CCDC148: variants seen among roughly 807,000 people sequenced by gnomAD.
The protein encoded by CCDC148 is coiled-coil domain containing 148, also known as coiled-coil domain-containing protein 148.
Under a neutral mutation model 85.7 loss-of-function variants are expected in CCDC148, and 89 were observed. The ratio of observed to expected loss-of-function variants is 1.04; its 90% CI spans 0.87 to 1.24. The LOEUF is 1.24. CCDC148 is among the 50% of genes most tolerant of loss of function. The pLI is 0.00. For missense variants in CCDC148, 692 were observed against 671.7 expected (o/e 1.03, Z -0.33); for synonymous variants, 230 against 213.9 (o/e 1.08, Z -0.66).
chr2:158,351,259 G>T (rs369470354), intron 2 of CCDC148, among the ~76,000 whole-genome samples: 3 of 152,308 alleles, frequency 2.0e-5, no homozygotes, highest in Admixed American at 1.3e-4. Context: ...GAACAGCTCC[G>T]GTCTACAGCT....
At chr2:158,250,719 A>C in intron 10 of CCDC148, 53 bp downstream of exon 10, 1 of 1,469,334 alleles carries the variant, frequency 6.8e-7, no homozygotes, top group Non-Finnish European at 9.0e-7. Context: ...AAAAAGCTCA[A>C]TCAGGCCATT....
Position 158,365,218 on chromosome 2 carries a change from T to C in CCDC148, c.26-6648A>G, listed in dbSNP as rs542600990. On this transcript the variant is annotated intron_variant, in intron 1 of 13. Transcript: ENST00000283233. Reference sequence around the variant, plus strand: ...TTTACACTGTTGGTGGGAGTGTAAATTAGTTCAACCATTGTGGAAGAGAGT... The same window carrying C: ...TTTACACTGTTGGTGGGAGTGTAAACTAGTTCAACCATTGTGGAAGAGAGT... Among the ~76,000 whole-genome samples, 542 of 152,248 alleles carry C rather than the reference T, an allele frequency of 3.6e-3. 4 individuals carry two copies. Among genetic ancestry groups the C allele is most frequent in the African/African-American group, 0.012 (519 of 41,558 alleles).
intron 1 of CCDC148, among the ~76,000 whole-genome samples, chr2:158,404,212 G>A (rs796561275): frequency 2.8e-4 from 43 of 152,234 alleles, no homozygotes; most frequent in African/African-American, 9.9e-4. Context: ...GGGCACTCCT[G>A]AGGTTGAAAG....
intron 9 of CCDC148, among the ~76,000 whole-genome samples, chr2:158,254,165 A>G (rs1327075083): frequency 6.6e-6 from 1 of 151,748 alleles, no homozygotes; most frequent in Non-Finnish European, 1.5e-5. Flanking sequence ...TTCTGATGTA[A>G]ATAAACCAAT....
chr2:158,227,943 C>G (rs1687638869), intron 10 of CCDC148, among the ~76,000 whole-genome samples: 1 of 152,062 alleles, frequency 6.6e-6, no homozygotes, highest in Admixed American at 6.6e-5. Flanking sequence ...CAACAAAAGA[C>G]AAAATTGACA....
Position 158,172,159 on chromosome 2 carries a change from T to G in CCDC148, c.1730A>C (p.Gln577Pro), listed in dbSNP as rs1169621048. The G allele has an allele frequency of 6.2e-7, 1 of 1,610,154 alleles. No individual in the cohort carries two copies. The highest frequency in any genetic ancestry group is 1.3e-5 in the African/African-American group (1 of 74,762). The change falls in exon 14 of 14, where the codon CAA (glutamine) becomes CCA (proline). Residue 577 changes from glutamine to proline, a missense_variant. Physicochemically the swap from Gln to Pro is moderately conservative, Grantham distance 76 (BLOSUM62 -1). Transcript: ENST00000283233. ...CTCCATGTCCTTTCTTGGAGGTTTT[T>G]GAGGACTAATTTTTGGTAATATCTC... ...AKEILPKISP[Q>P]KPPRKDMEST...
At chr2:158,263,666 C>A (rs973643229) in intron 9 of CCDC148, among the ~76,000 whole-genome samples, 8 of 151,944 alleles carry the variant, frequency 5.3e-5, no homozygotes, top group African/African-American at 2.4e-5. Context: ...CTACCAAACC[C>A]CAGAAATGAC....
intron 10 of CCDC148, among the ~76,000 whole-genome samples, chr2:158,234,637 A>C (rs968235734): frequency 6.6e-6 from 1 of 152,198 alleles, no homozygotes; most frequent in African/African-American, 2.4e-5. Context: ...ATTGGAAACA[A>C]TGTAATGATC....
chr2:158,383,930 T>C (rs148111649), intron 1 of CCDC148, among the ~76,000 whole-genome samples: 13 of 152,320 alleles, frequency 8.5e-5, no homozygotes, highest in African/African-American at 2.6e-4. Context: ...CACGTCTCCT[T>C]AGTCCCCTTC....
chr2:158,406,628 T>TTTTTTTGTTTTTTTTTTTTG lies in CCDC148; in HGVS notation c.26-48059_26-48058insCAAAAAAAAAAAACAAAAAA, dbSNP rs1318613101. Among the ~76,000 whole-genome samples, 14 of 119,056 alleles carry TTTTTTTGTTTTTTTTTTTTG rather than the reference T, an allele frequency of 1.2e-4. 1 individual carries two copies. Among genetic ancestry groups the TTTTTTTGTTTTTTTTTTTTG allele is most frequent in the Non-Finnish European group, 2.6e-4 (14 of 53,650 alleles). The allele number at this position is 119,056 out of a possible 152,430, so 78.1% of individuals were successfully genotyped here. A position where few individuals can be genotyped will look rare whatever the true frequency, so the allele number is the denominator to read the frequency against. On this transcript the variant is annotated intron_variant, in intron 1 of 13. Transcript: ENST00000283233. ...GATTAAATTTCTTTTTTTTTTTTTT[T>TTTTTTTGTTTTTTTTTTTTG]TTTTTTTTTTTTGAGACAGTGTCTC...
intron 1 of CCDC148, among the ~76,000 whole-genome samples, chr2:158,439,641 G>A (rs114927579): frequency 2.9e-3 from 439 of 152,026 alleles, no homozygotes; most frequent in African/African-American, 9.4e-3. Flanking sequence ...AAAAAAAGAT[G>A]TCTGGATAGT....
chr2:158,397,537 A>C (rs1404562831), intron 1 of CCDC148, among the ~76,000 whole-genome samples: 3 of 152,190 alleles, frequency 2.0e-5, no homozygotes, highest in African/African-American at 7.2e-5. Context: ...TAAGTTTCAT[A>C]AGTGAAGGAG....
chr2:158,281,246 A>G (rs1029699270), intron 9 of CCDC148, among the ~76,000 whole-genome samples: 2 of 152,098 alleles, frequency 1.3e-5, no homozygotes, highest in Non-Finnish European at 2.9e-5. Context: ...ACACATTCAA[A>G]AGCTAGCAGA....
intron 10 of CCDC148, among the ~76,000 whole-genome samples, chr2:158,230,796 G>T (rs796373467): frequency 1.6e-4 from 25 of 152,272 alleles, no homozygotes; most frequent in African/African-American, 6.0e-4. Context: ...CAAGTGTTCA[G>T]ATCTGAGATG....
chr2:158,419,430 G>GGAATTAGCTC (rs1329960827), intron 1 of CCDC148, among the ~76,000 whole-genome samples: 1 of 152,122 alleles, frequency 6.6e-6, no homozygotes, highest in Non-Finnish European at 1.5e-5. Flanking sequence ...GATAAAACCA[G>GGAATTAGCTC]GAATTAGCTC....
chr2:158,278,747 C>T (rs1365264371), intron 9 of CCDC148, among the ~76,000 whole-genome samples: 1 of 152,264 alleles, frequency 6.6e-6, no homozygotes, highest in Admixed American at 6.5e-5. Context: ...AATTAAATGT[C>T]CCTGTCTGAC....
intron 7 of CCDC148, among the ~76,000 whole-genome samples, chr2:158,337,869 T>C (rs1247317960): frequency 6.6e-6 from 1 of 152,202 alleles, no homozygotes. Flanking sequence ...GGAGCTGCAG[T>C]TCACAGGCAA....
intron 9 of CCDC148, among the ~76,000 whole-genome samples, chr2:158,262,477 T>C (rs1440615189): frequency 6.6e-6 from 1 of 152,010 alleles, no homozygotes; most frequent in Non-Finnish European, 1.5e-5. Flanking sequence ...TTTACCTATG[T>C]AACAAACCTT....
intron 1 of CCDC148, among the ~76,000 whole-genome samples, chr2:158,426,411 A>ATTTTAATGT (rs1559137367): frequency 1.1e-4 from 17 of 152,070 alleles, no homozygotes; most frequent in Non-Finnish European, 1.6e-4. Context: ...TTAGTGAATA[A>ATTTTAATGT]ACTTGAGTAG....
Sources: gnomAD v4.1 joint callset for allele counts (sites outside exome capture counted in the v4.1 genomes callset) on GRCh38, gnomAD v4.1.1 for gene constraint, MANE v1.5 for transcripts, NCBI Gene and HGNC (gene_info 2026-07-23, HGNC 2026-07-21) for gene names.